TNNI3K: variants seen among roughly 807,000 people sequenced by gnomAD.
The protein encoded by TNNI3K is serine/threonine-protein kinase TNNI3K.
TNNI3K carries 140 observed loss-of-function variants against 114.5 expected under a neutral mutation model. That is an observed-to-expected ratio of 1.22 (90% CI 1.07 to 1.41). The LOEUF (loss-of-function observed/expected upper bound fraction) is 1.41. Ranked by LOEUF, TNNI3K falls within the 40% of genes most tolerant of loss-of-function variation. The pLI is 0.00. For missense variants in TNNI3K, 1,125 were observed against 1,007.6 expected (o/e 1.12, Z -1.58); for synonymous variants, 347 against 347.5 (o/e 1.00, Z 0.02).
chr1:74,416,443 G>C, intron 17 of TNNI3K: 1 of 958,382 alleles, frequency 1.0e-6, no homozygotes, highest in South Asian at 4.8e-5. Context: ...ATAGTTTGGG[G>C]TGCCTAGAAG....
intron 23 of TNNI3K, among the ~76,000 whole-genome samples, chr1:74,495,030 T>G (rs1669257423): frequency 6.6e-6 from 1 of 152,168 alleles, no homozygotes; most frequent in African/African-American, 2.4e-5. Flanking sequence ...CACTACTAAT[T>G]TTTCAAAAAA....
At chr1:74,370,703 A>G (rs546438667) in intron 17 of TNNI3K, 1 of 192,292 alleles carries the variant, frequency 5.2e-6, no homozygotes, top group Non-Finnish European at 1.1e-5. Context: ...CTAAATGGCT[A>G]TTAAAAAAAT....
chr1:74,374,160 A>T (rs1192305294), intron 17 of TNNI3K: 1 of 151,938 alleles, frequency 6.6e-6, no homozygotes, highest in East Asian at 1.9e-4. Context: ...TCTTTAAAAA[A>T]ATTTTTTGAT....
intron 5 of TNNI3K, among the ~76,000 whole-genome samples, chr1:74,304,615 A>AT (rs1156419370): frequency 2.0e-5 from 3 of 151,948 alleles, no homozygotes; most frequent in African/African-American, 7.3e-5. Flanking sequence ...TCTAATTTTT[A>AT]TTTTTTTTTT....
At chr1:74,241,544 T>C (rs1218279494) in intron 2 of TNNI3K, among the ~76,000 whole-genome samples, 3 of 152,220 alleles carry the variant, frequency 2.0e-5, no homozygotes, top group Non-Finnish European at 4.4e-5. Context: ...TGATGAGCAT[T>C]TTTTCATGTG....
At chr1:74,353,644 CA>C (rs35082255) in intron 10 of TNNI3K, among the ~76,000 whole-genome samples, 43,808 of 133,928 alleles carry the variant, frequency 0.33, 7,172 homozygotes, top group Middle Eastern at 0.44. Flanking sequence ...ATTTGGTGAT[CA>C]AAAAAAAAAA....
intron 2 of TNNI3K, among the ~76,000 whole-genome samples, chr1:74,246,856 C>A (rs771374085): frequency 3.9e-5 from 6 of 152,148 alleles, no homozygotes; most frequent in Non-Finnish European, 5.9e-5. Flanking sequence ...AAAATCATTT[C>A]ATCAGTGTGG....
Position 74,540,204 on chromosome 1 carries a change from C to T in TNNI3K, c.2352-30C>T, listed in dbSNP as rs758296141. ...AAAATGTTATTATCAGATCACCATA[C>T]TGTGAAACTGTGTTTTATTAATTTT... On this transcript the variant is annotated intron_variant, in intron 23 of 24. Coordinates refer to ENST00000326637, the MANE Select transcript of TNNI3K (RefSeq NM_015978.3). 18 of 1,605,930 alleles carry T rather than the reference C, an allele frequency of 1.1e-5. No homozygotes were observed. The Admixed American group carries it at 3.0e-4, about 27-fold the overall frequency.
At chr1:74,274,853 C>A (rs1351552218) in intron 5 of TNNI3K, among the ~76,000 whole-genome samples, 3 of 152,010 alleles carry the variant, frequency 2.0e-5, no homozygotes, top group South Asian at 4.1e-4. Context: ...TACAGCTGGG[C>A]AAAATCATCT....
At chr1:74,460,224 C>G (rs966175851) in intron 20 of TNNI3K, among the ~76,000 whole-genome samples, 2 of 152,036 alleles carry the variant, frequency 1.3e-5, no homozygotes, top group African/African-American at 4.8e-5. Flanking sequence ...CCAGCCACCA[C>G]GTCCAGCTAA....
At chr1:74,420,613 A>G (rs1377888269) in intron 17 of TNNI3K, among the ~76,000 whole-genome samples, 2 of 152,144 alleles carry the variant, frequency 1.3e-5, no homozygotes, top group Non-Finnish European at 2.9e-5. Flanking sequence ...CAGCCTTCAG[A>G]ATTCTTTATC....
At chr1:74,454,988 A>C (rs1319436752) in intron 20 of TNNI3K, among the ~76,000 whole-genome samples, 1 of 152,130 alleles carries the variant, frequency 6.6e-6, no homozygotes, top group Non-Finnish European at 1.5e-5. Context: ...TATTATTATT[A>C]TCTTTAGGCC....
At chr1:74,497,677 C>T (rs1669399905) in intron 23 of TNNI3K, among the ~76,000 whole-genome samples, 1 of 152,040 alleles carries the variant, frequency 6.6e-6, no homozygotes, top group Non-Finnish European at 1.5e-5. Context: ...CTCTCTGCTT[C>T]CTAGCGTTTG....
intron 23 of TNNI3K, among the ~76,000 whole-genome samples, chr1:74,522,992 C>T (rs939241843): frequency 1.3e-5 from 2 of 152,162 alleles, no homozygotes; most frequent in East Asian, 3.8e-4. Context: ...AGAGGGGAAA[C>T]CCCATGCATT....
intron 5 of TNNI3K, among the ~76,000 whole-genome samples, chr1:74,276,536 A>G (rs2100234632): frequency 6.6e-6 from 1 of 152,244 alleles, no homozygotes; most frequent in South Asian, 2.1e-4. Context: ...TAAAACACAC[A>G]TCGAGTATTT....
chr1:74,396,328 G>A (rs1664077795), intron 17 of TNNI3K, among the ~76,000 whole-genome samples: 1 of 152,212 alleles, frequency 6.6e-6, no homozygotes, highest in South Asian at 2.1e-4. Context: ...CTAAACAGCA[G>A]ATGTCTAACA....
At chr1:74,314,045 T>TTATA (rs201922658) in intron 5 of TNNI3K, among the ~76,000 whole-genome samples, 8 of 6,344 alleles carry the variant, frequency 1.3e-3, no homozygotes, top group African/African-American at 1.7e-3. Flanking sequence ...AGAAAGTTCA[T>TTATA]TATATATATA....
intron 21 of TNNI3K, among the ~76,000 whole-genome samples, chr1:74,477,236 C>T (rs1254238586): frequency 6.6e-6 from 1 of 152,078 alleles, no homozygotes; most frequent in African/African-American, 2.4e-5. Context: ...AGATTCAAAG[C>T]TATATTCTGA....
chr1:74,255,894 A>G (rs181617257), intron 4 of TNNI3K, among the ~76,000 whole-genome samples: 53 of 152,252 alleles, frequency 3.5e-4, no homozygotes, highest in Admixed American at 2.9e-3. Context: ...TCTTTTCTAT[A>G]TGGTTTCTTG....
Sources: allele counts gnomAD v4.1 joint callset (sites outside exome capture counted in the v4.1 genomes callset), GRCh38; gene constraint gnomAD v4.1.1; transcripts MANE v1.5; gene names NCBI Gene and HGNC (gene_info 2026-07-23, HGNC 2026-07-21).